Variants in MYT1L observed in about 807,000 individuals in gnomAD.
MYT1L encodes the protein myelin transcription factor 1 like.
A neutral mutation model predicts 126.7 loss-of-function variants in MYT1L; 12 were observed. That is an observed-to-expected ratio of 0.09 (90% CI 0.06 to 0.15). The LOEUF (loss-of-function observed/expected upper bound fraction) is 0.15, where lower values mean the gene tolerates loss of function less well. Ranked by LOEUF, MYT1L falls within the 10% of genes least tolerant of loss-of-function variation. MYT1L has a pLI of 1.00. For missense variants in MYT1L, 979 were observed against 1,585.2 expected (o/e 0.62, Z 6.49); for synonymous variants, 541 against 604.2 (o/e 0.90, Z 1.53).
At chr2:2,221,677 T>C (rs1215891600) in intron 2 of MYT1L, among the ~76,000 whole-genome samples, 1 of 152,178 alleles carries the variant, frequency 6.6e-6, no homozygotes, top group East Asian at 1.9e-4. Flanking sequence ...GGAACTGGGC[T>C]TTTGAAGTCC....
chr2:1,815,694 T>A (rs964680154), intron 21 of MYT1L, among the ~76,000 whole-genome samples: 10 of 152,232 alleles, frequency 6.6e-5, no homozygotes, highest in African/African-American at 2.4e-4. Context: ...CCCTTCCCCA[T>A]GCCCTGCCCC....
intron 3 of MYT1L, among the ~76,000 whole-genome samples, chr2:2,098,761 T>C (rs921947484): frequency 1.1e-4 from 16 of 152,214 alleles, no homozygotes; most frequent in African/African-American, 2.4e-4. Context: ...GGTTGAGATA[T>C]TCAGTCATGT....
chr2:2,053,054 G>C (rs142280031), intron 4 of MYT1L, among the ~76,000 whole-genome samples: 86 of 152,332 alleles, frequency 5.6e-4, no homozygotes, highest in African/African-American at 2.0e-3. Context: ...ACTGACAGAT[G>C]TACAGTGGAC....
intron 9 of MYT1L, among the ~76,000 whole-genome samples, chr2:1,937,436 C>A (rs1330291820): frequency 6.6e-6 from 1 of 151,002 alleles, no homozygotes; most frequent in Non-Finnish European, 1.5e-5. Flanking sequence ...TCAGATCGTA[C>A]ATCGAGAAGG....
chr2:1,873,283 A>G (rs2046476370), intron 18 of MYT1L, among the ~76,000 whole-genome samples: 1 of 152,250 alleles, frequency 6.6e-6, no homozygotes, highest in African/African-American at 2.4e-5. Context: ...ATTAAAAACA[A>G]ATGTTAAACT....
At chr2:1,951,722 C>T (rs756588676) in intron 8 of MYT1L, among the ~76,000 whole-genome samples, 10 of 152,194 alleles carry the variant, frequency 6.6e-5, no homozygotes, top group East Asian at 1.9e-4. Flanking sequence ...GGGCAGCACA[C>T]GAAAAACAGT....
chr2:2,168,702 A>C (rs999267051), intron 3 of MYT1L, among the ~76,000 whole-genome samples: 1 of 152,142 alleles, frequency 6.6e-6, no homozygotes, highest in Non-Finnish European at 1.5e-5. Flanking sequence ...GCTGACATGG[A>C]GAGTGGTCAG....
intron 1 of MYT1L, chr2:2,326,892 G>A (rs1371473915): frequency 1.3e-5 from 2 of 152,122 alleles, no homozygotes; most frequent in Non-Finnish European, 2.9e-5. Flanking sequence ...AGAAGAGAGG[G>A]TGGCAAAACA....
At chr2:1,931,420 T>C (rs1450903661) in intron 9 of MYT1L, among the ~76,000 whole-genome samples, 2,525 of 49,298 alleles carry the variant, frequency 0.051, no homozygotes, top group Middle Eastern at 0.071. Flanking sequence ...ACTTCCTCCA[T>C]CCTCAGCGAT....
intron 18 of MYT1L, among the ~76,000 whole-genome samples, chr2:1,861,204 C>T (rs1417709934): frequency 1.3e-5 from 2 of 152,168 alleles, no homozygotes; most frequent in African/African-American, 2.4e-5. Flanking sequence ...TCTTCCACTG[C>T]TGAACTGGGG....
intron 21 of MYT1L, among the ~76,000 whole-genome samples, chr2:1,813,766 G>T (rs1462140620): frequency 6.6e-6 from 1 of 151,306 alleles, no homozygotes; most frequent in African/African-American, 2.4e-5. Context: ...GGTGGCTCAC[G>T]CCTGTAATCC....
chr2:1,973,213 A>G (rs1260146573), intron 8 of MYT1L, among the ~76,000 whole-genome samples: 1 of 152,214 alleles, frequency 6.6e-6, no homozygotes, highest in Non-Finnish European at 1.5e-5. Flanking sequence ...TTCATTCCAA[A>G]TGTCTTAGCA....
At chr2:2,125,387 G>A (rs2081555860) in intron 3 of MYT1L, among the ~76,000 whole-genome samples, 1 of 152,126 alleles carries the variant, frequency 6.6e-6, no homozygotes, top group Middle Eastern at 3.2e-3. Context: ...AATAATTTCT[G>A]GAGATTATTT....
At chr2:1,954,252 G>A (rs1196174745) in intron 8 of MYT1L, among the ~76,000 whole-genome samples, 1 of 152,138 alleles carries the variant, frequency 6.6e-6, no homozygotes, top group Admixed American at 6.5e-5. Flanking sequence ...GAAAACATAC[G>A]GCAAACGCGA....
intron 21 of MYT1L, among the ~76,000 whole-genome samples, chr2:1,832,253 C>A (rs1239161054): frequency 6.6e-6 from 1 of 152,152 alleles, no homozygotes; most frequent in African/African-American, 2.4e-5. Flanking sequence ...AGTGAGAAGG[C>A]CCCTGTCTGC....
At chr2:2,276,783 C>A (rs1023909024) in intron 2 of MYT1L, among the ~76,000 whole-genome samples, 1 of 152,072 alleles carries the variant, frequency 6.6e-6, no homozygotes, top group Admixed American at 6.6e-5. Flanking sequence ...GCTTTCTACT[C>A]CTCCTCATGA....
chr2:1,993,539 T>C (rs1363385535), intron 5 of MYT1L, among the ~76,000 whole-genome samples: 1 of 152,256 alleles, frequency 6.6e-6, no homozygotes, highest in East Asian at 1.9e-4. Context: ...TCTTTTTGAA[T>C]GGCTGCATAG....
intron 2 of MYT1L, among the ~76,000 whole-genome samples, chr2:2,270,072 C>T (rs938876162): frequency 5.9e-5 from 9 of 152,140 alleles, no homozygotes; most frequent in Admixed American, 3.9e-4. Flanking sequence ...AAGAGCGTGG[C>T]GTCTTCATGA....
chr2:2,230,687 C>T (rs2094139799), intron 2 of MYT1L, among the ~76,000 whole-genome samples: 1 of 152,220 alleles, frequency 6.6e-6, no homozygotes, highest in Non-Finnish European at 1.5e-5. Context: ...TCCACCGGCA[C>T]CAAAGCTGAC....
Sources: gnomAD v4.1 joint callset for allele counts (sites outside exome capture counted in the v4.1 genomes callset) on GRCh38, gnomAD v4.1.1 for gene constraint, MANE v1.5 for transcripts, NCBI Gene and HGNC (gene_info 2026-07-23, HGNC 2026-07-21) for gene names.